Variants in QSOX2 observed in about 807,000 individuals in gnomAD.
QSOX2 encodes sulfhydryl oxidase 2.
QSOX2 carries 46 observed loss-of-function variants against 61.7 expected under a neutral mutation model. The ratio of observed to expected loss-of-function variants is 0.75; its 90% confidence interval spans 0.59 to 0.95. The LOEUF (loss-of-function observed/expected upper bound fraction) is 0.95, where lower values mean the gene tolerates loss of function less well. Among genes scored for constraint, QSOX2 ranks in the 40% least tolerant of loss-of-function variants. The pLI, the probability that QSOX2 is intolerant of heterozygous loss-of-function variation, is 0.00. For synonymous variants in QSOX2, 383 were observed against 388.4 expected, an observed-to-expected ratio of 0.99 and a Z score of 0.16; for missense variants, 879 against 918.9, an observed-to-expected ratio of 0.96 and a Z score of 0.56.
At chr9:136,233,761 C>T (rs1297891488) in intron 1 of QSOX2, among the ~76,000 whole-genome samples, 1 of 152,228 alleles carries the variant, frequency 6.6e-6, no homozygotes, top group Non-Finnish European at 1.5e-5. Flanking sequence ...AGTGCCTCCT[C>T]ACCAGTGCCA....
intron 6 of QSOX2, among the ~76,000 whole-genome samples, chr9:136,220,705 TTTCA>T (rs1474712415): frequency 6.6e-6 from 1 of 152,110 alleles, no homozygotes; most frequent in Non-Finnish European, 1.5e-5. Flanking sequence ...CTCAACCATT[TTTCA>T]TTTTCTTTCT....
At chr9:136,210,464 G>C (rs748490973) in intron 11 of QSOX2, 3 of 985,290 alleles carry the variant, frequency 3.0e-6, no homozygotes, top group African/African-American at 1.7e-5. Flanking sequence ...CCTCAGAGCC[G>C]AGGGCTCGGG....
intron 8 of QSOX2, among the ~76,000 whole-genome samples, chr9:136,217,048 G>A (rs1040922026): frequency 2.0e-5 from 3 of 152,246 alleles, no homozygotes; most frequent in African/African-American, 7.2e-5. Context: ...ACTCATCATG[G>A]AGCTGGCGGG....
At position 136,226,793 on chromosome 9, in the gene QSOX2, T is replaced by G. The variant is rs767299034; in HGVS notation, c.410A>C (p.His137Pro). 1.2e-6 allele frequency: 2 copies of G among 1,614,038 alleles called. No homozygotes were observed. The highest frequency in any genetic ancestry group is 1.7e-6 in the Non-Finnish European group (2 of 1,179,936). The part of the protein sequence containing the change: ...NQAVCHDYDI[H>P]FYPTFRYFKA... ...ACTCACCCGGAAGGTGGGGTAGAAG[T>G]GGATGTCGTAGTCATGGCACACGGC... Residue 137 changes from histidine (H) to proline (P), a missense_variant, in exon 2 of 12, where the codon CAC becomes CCC. Coordinates refer to ENST00000358701, the MANE Select transcript of QSOX2 (RefSeq NM_181701.4).
At chr9:136,213,100 G>A (rs1033154915) in intron 10 of QSOX2, among the ~76,000 whole-genome samples, 15 of 152,244 alleles carry the variant, frequency 9.9e-5, no homozygotes, top group African/African-American at 2.9e-4. Context: ...TCAAGGAGCC[G>A]TTCCTCATGC....
intron 1 of QSOX2, among the ~76,000 whole-genome samples, chr9:136,231,865 C>A (rs1830333310): frequency 6.6e-6 from 1 of 151,664 alleles, no homozygotes; most frequent in South Asian, 2.1e-4. Context: ...AGCCTCAGGG[C>A]CGGCAATCCG....
In QSOX2 at chr9:136,228,125, C is replaced by G. The variant is rs146791369; in HGVS notation, c.329-1251G>C. ...AGGGCACTCAGATCTAGATTCTTGT[C>G]TGATTTGTTTGGTGACATTACTTTG... On this transcript the variant is annotated intron_variant, in intron 1 of 11. Coordinates refer to ENST00000358701, the MANE Select transcript of QSOX2 (RefSeq NM_181701.4). 6.6e-5 allele frequency among the ~76,000 whole-genome samples: 10 copies of G among 152,284 alleles called. No homozygotes were observed. In the East Asian group the frequency reaches 1.7e-3, roughly 26 times the overall value.
In QSOX2 at chr9:136,208,707, T is replaced by A. The variant is rs762508042; in HGVS notation, c.*21A>T. 1 of 1,588,086 alleles carries A rather than the reference T, an allele frequency of 6.3e-7. No individual in the cohort carries two copies. On this transcript the variant is annotated 3_prime_UTR_variant, in exon 12 of 12. Coordinates refer to ENST00000358701, the MANE Select transcript of QSOX2 (RefSeq NM_181701.4). ...GCTGCCTCCAAGGGAGCTTCCGCCGTGGCTGGCAGCACCCGGGCACTCACA... is the reference window on the plus strand; with the variant it reads ...GCTGCCTCCAAGGGAGCTTCCGCCGAGGCTGGCAGCACCCGGGCACTCACA...
At chr9:136,243,723 C>A (rs191160363) in intron 1 of QSOX2, among the ~76,000 whole-genome samples, 21 of 152,372 alleles carry the variant, frequency 1.4e-4, no homozygotes, top group African/African-American at 5.0e-4. Context: ...TTTTAGCCAA[C>A]AGGACCCTCT....
chr9:136,245,564 G>T lies in QSOX2; in HGVS notation c.240C>A (p.Ala80=), dbSNP rs1554758421. The T allele has an allele frequency of 5.7e-6, 9 of 1,581,398 alleles. No homozygotes were observed. Among genetic ancestry groups the T allele is most frequent in the Non-Finnish European group, 7.7e-6 (9 of 1,172,886 alleles). The part of the protein sequence containing the change: ...SVRGATANSS[A]AWLVQFYSSW... ...ACGAGTAGAACTGCACGAGCCACGC[G>T]GCCGAGCTGTTGGCGGTGGCCCCGC... Residue 80 remains alanine (A), a synonymous_variant, in exon 1 of 12, where the codon GCC becomes GCA. Coordinates refer to ENST00000358701, the MANE Select transcript of QSOX2 (RefSeq NM_181701.4).
chr9:136,210,127 C>A, intron 11 of QSOX2: 1 of 985,472 alleles, frequency 1.0e-6, no homozygotes, highest in Non-Finnish European at 1.2e-6. Flanking sequence ...GTGCTGCACA[C>A]GAAGCCAGAG....
chr9:136,241,396 G>A (rs1285856243), intron 1 of QSOX2, among the ~76,000 whole-genome samples: 1 of 152,188 alleles, frequency 6.6e-6, no homozygotes, highest in Non-Finnish European at 1.5e-5. Context: ...ATGAGCCTGT[G>A]GGGAACACCA....
chr9:136,240,951 G>A (rs1237543226), intron 1 of QSOX2, among the ~76,000 whole-genome samples: 4 of 152,198 alleles, frequency 2.6e-5, no homozygotes, highest in South Asian at 2.1e-4. Context: ...TATGACCTGG[G>A]TCACCCCATG....
chr9:136,228,465 G>C (rs1331221395), intron 1 of QSOX2, among the ~76,000 whole-genome samples: 2 of 152,214 alleles, frequency 1.3e-5, no homozygotes, highest in African/African-American at 4.8e-5. Flanking sequence ...TGTAAAAATT[G>C]CACTGCCAAC....
Position 136,231,931 on chromosome 9 carries a change from CTCCTCCGCA to C in QSOX2, c.329-5066_329-5058del, listed in dbSNP as rs200677220. 7.0e-3 allele frequency among the ~76,000 whole-genome samples: 1,034 copies of C among 147,256 alleles called. 15 individuals carry two copies. The highest frequency in any genetic ancestry group is 0.026 in the African/African-American group (976 of 37,438). ...CCTCCACCCCCTCCACCCTCTCCGCCTCCTCCGCAGGTCCCATCTGCCAGGCTCTCCCAG... is the reference window on the plus strand; with the variant it reads ...CCTCCACCCCCTCCACCCTCTCCGCCGGTCCCATCTGCCAGGCTCTCCCAG... On this transcript the variant is annotated intron_variant, in intron 1 of 11. Coordinates refer to ENST00000358701, the MANE Select transcript of QSOX2 (RefSeq NM_181701.4).
chr9:136,238,604 C>A (rs1050206405), intron 1 of QSOX2, among the ~76,000 whole-genome samples: 7 of 152,214 alleles, frequency 4.6e-5, no homozygotes, highest in Non-Finnish European at 1.0e-4. Flanking sequence ...CCTCCCTCTG[C>A]CCCTCAGGCC....
intron 1 of QSOX2, among the ~76,000 whole-genome samples, chr9:136,227,530 A>C (rs919006757): frequency 6.6e-6 from 1 of 152,250 alleles, no homozygotes; most frequent in Non-Finnish European, 1.5e-5. Flanking sequence ...AAAATGTAAC[A>C]AATCCCACAC....
intron 1 of QSOX2, among the ~76,000 whole-genome samples, chr9:136,229,607 G>A (rs79917444): frequency 0.017 from 2,551 of 152,286 alleles, 77 homozygotes; most frequent in African/African-American, 0.059. Flanking sequence ...AATCACGGCC[G>A]TGTGACATCA....
Position 136,245,769 on chromosome 9 carries a change from G to T in QSOX2, c.35C>A (p.Pro12Gln). 2 of 1,153,992 alleles carry T rather than the reference G, an allele frequency of 1.7e-6. No homozygotes were observed. Among genetic ancestry groups the T allele is most frequent in the Admixed American group, 4.7e-5 (1 of 21,130 alleles). The allele number at this position is 1,153,992 out of a possible 1,614,324, so 71.5% of individuals were successfully genotyped here. The change falls in exon 1 of 12, where the codon CCG (proline) becomes CAG (glutamine). Residue 12 changes from proline (P) to glutamine (Q), a missense_variant. Coordinates refer to ENST00000358701, the MANE Select transcript of QSOX2 (RefSeq NM_181701.4). The part of the protein sequence containing the change: ...AAAGAAVARS[P>Q]GIGAGPALRA... ...CAGCGCAGGTCCCGCTCCGATTCCC[G>T]GGCTGCGCGCCACCGCCGCCCCGGC... is the stretch of plus-strand genomic sequence containing the variant.
Sources: allele counts gnomAD v4.1 joint callset (sites outside exome capture counted in the v4.1 genomes callset), GRCh38; gene constraint gnomAD v4.1.1; transcripts MANE v1.5; gene names NCBI Gene and HGNC (gene_info 2026-07-23, HGNC 2026-07-21).